The following ZNF560 variants were observed in gnomAD, a reference collection of about 807,000 sequenced individuals.
ZNF560 encodes zinc finger protein 560.
ZNF560 carries 54 observed loss-of-function variants against 81.8 expected under a neutral mutation model. That is an observed-to-expected ratio of 0.66 (90% CI 0.53 to 0.83). The LOEUF is 0.83. ZNF560 is among the 40% of genes least tolerant of loss of function. The probability of loss-of-function intolerance (pLI) is 0.00; values close to 1 mark genes in which losing one functional copy is unlikely to be tolerated. For synonymous variants in ZNF560, 321 were observed against 317.9 expected, an observed-to-expected ratio of 1.01 and a Z score of -0.10; for missense variants, 940 against 932.4, an observed-to-expected ratio of 1.01 and a Z score of -0.11.
At chr19:9,446,494 C>A in the ZNF560 span, among the ~76,000 whole-genome samples, 221 of 152,136 alleles carry the variant, frequency 1.5e-3, 1 homozygote, top group Non-Finnish European at 2.7e-3. Flanking sequence ...GGGGGTTTAC[C>A]TGTATAGTAG....
rs1164946449 is a variant in ZNF560 at position 9,467,690 on chromosome 19, A to G, written c.1257T>C (p.Leu419=). ...CGKAFGTSAG[L]IEHIRCHARE... is the part of the protein sequence containing the mutation. Reference sequence around the variant, plus strand: ...TGGCGTGACATCTTATATGTTCAATAAGGCCTGCAGATGTACCAAAGGCTT... The same window carrying G: ...TGGCGTGACATCTTATATGTTCAATGAGGCCTGCAGATGTACCAAAGGCTT... The change falls in exon 10 of 10, where the codon CTT becomes CTC. Residue 419 remains leucine (L), a synonymous_variant. Coordinates refer to ENST00000301480, the MANE Select transcript of ZNF560 (RefSeq NM_152476.3). The G allele has an allele frequency of 6.2e-7, 1 of 1,614,052 alleles. No individual in the cohort carries two copies. The highest frequency in any genetic ancestry group is 8.5e-7 in the Non-Finnish European group (1 of 1,179,996).
intron 2 of ZNF560, among the ~76,000 whole-genome samples, chr19:9,485,857 A>G (rs775055697): frequency 2.6e-5 from 4 of 152,194 alleles, no homozygotes; most frequent in Non-Finnish European, 5.9e-5. Context: ...GTAACCTCAA[A>G]TAAGTTGAGA....
At chr19:9,456,927 A>T in the ZNF560 span, among the ~76,000 whole-genome samples, 1 of 152,250 alleles carries the variant, frequency 6.6e-6, no homozygotes, top group African/African-American at 2.4e-5. Context: ...CTAGGAAAAA[A>T]TTTGCAAGGT....
At chr19:9,482,240 C>G (rs2073300852) in intron 2 of ZNF560, among the ~76,000 whole-genome samples, 1 of 151,650 alleles carries the variant, frequency 6.6e-6, no homozygotes, top group African/African-American at 2.4e-5. Flanking sequence ...CACTTGGACA[C>G]AGGGTGGGGA....
At chr19:9,481,082 G>GAAA (rs60806361) in intron 2 of ZNF560, among the ~76,000 whole-genome samples, 4 of 110,028 alleles carry the variant, frequency 3.6e-5, no homozygotes, top group Non-Finnish European at 7.4e-5. Context: ...GAGATTATCT[G>GAAA]AAAAAAAAAA....
In ZNF560 at chr19:9,466,478, T is replaced by C. The variant is rs976707070; in HGVS notation, c.*96A>G. On this transcript the variant is annotated 3_prime_UTR_variant, in exon 10 of 10. Coordinates refer to ENST00000301480, the MANE Select transcript of ZNF560 (RefSeq NM_152476.3). ...GGCTTTCTCACATTCCTTACATTGA[T>C]AGTGTTACTTTCTCCTGTGAATTTT... 4 of 1,124,336 alleles carry C rather than the reference T, an allele frequency of 3.6e-6. No homozygotes were observed. In the African/African-American group the frequency reaches 4.7e-5, roughly 13 times the overall value. The allele number at this position is 1,124,336 out of a possible 1,614,324, so 69.6% of individuals were successfully genotyped here.
Position 9,479,962 on chromosome 19 carries a change from C to T in ZNF560, c.-56-4593G>A, listed in dbSNP as rs543813864. Among the ~76,000 whole-genome samples, 103 of 152,072 alleles carry T rather than the reference C, an allele frequency of 6.8e-4. 1 individual carries two copies. The Middle Eastern group carries it at 0.014, about 20-fold the overall frequency. ...TACATATGCCAACAACAACAGAGCACGTAAACATATAAAGCAAATTAATAA... is the reference window on the plus strand; with the variant it reads ...TACATATGCCAACAACAACAGAGCATGTAAACATATAAAGCAAATTAATAA... On this transcript the variant is annotated intron_variant, in intron 2 of 9. Transcript: ENST00000301480.
chr19:9,469,405 C>A (rs576313900), intron 8 of ZNF560, among the ~76,000 whole-genome samples: 3 of 152,206 alleles, frequency 2.0e-5, no homozygotes, highest in African/African-American at 4.8e-5. Flanking sequence ...AAAATTGGAA[C>A]AAAAGCATAC....
the ZNF560 span, among the ~76,000 whole-genome samples, chr19:9,460,843 A>T: frequency 0.024 from 3,686 of 152,300 alleles, 157 homozygotes; most frequent in African/African-American, 0.085. Context: ...GGACAGGCAG[A>T]GGTGCTGCAT....
the ZNF560 span, among the ~76,000 whole-genome samples, chr19:9,448,353 T>C: frequency 6.8e-6 from 1 of 147,952 alleles, no homozygotes; most frequent in Non-Finnish European, 1.5e-5. Flanking sequence ...TGCCTCAGCC[T>C]CCGGAGTAGC....
the ZNF560 span, among the ~76,000 whole-genome samples, chr19:9,446,860 A>G: frequency 6.6e-6 from 1 of 152,108 alleles, no homozygotes; most frequent in African/African-American, 2.4e-5. Context: ...AAAATAGCAG[A>G]CAGCTGGATG....
intron 2 of ZNF560, among the ~76,000 whole-genome samples, chr19:9,475,719 G>A (rs202041749): frequency 6.6e-6 from 1 of 150,956 alleles, no homozygotes; most frequent in Non-Finnish European, 1.5e-5. Context: ...CCATTCTCCT[G>A]CCTCAGCCTC....
chr19:9,459,232 A>G, the ZNF560 span, among the ~76,000 whole-genome samples: 1 of 152,228 alleles, frequency 6.6e-6, no homozygotes, highest in Non-Finnish European at 1.5e-5. Flanking sequence ...CCACACATGC[A>G]ACTAAATCTA....
the ZNF560 span, among the ~76,000 whole-genome samples, chr19:9,447,146 A>AG: frequency 6.6e-6 from 1 of 152,042 alleles, no homozygotes; most frequent in East Asian, 1.9e-4. Context: ...AAAAAAAAAA[A>AG]AAAAAAATAG....
At chr19:9,480,459 A>G (rs1464123360) in intron 2 of ZNF560, among the ~76,000 whole-genome samples, 2 of 151,900 alleles carry the variant, frequency 1.3e-5, no homozygotes, top group Non-Finnish European at 2.9e-5. Context: ...TCACAAGTAA[A>G]CACCCTAACA....
Position 9,467,792 on chromosome 19 carries a change from G to T in ZNF560, c.1155C>A (p.Phe385Leu), listed in dbSNP as rs1360289040. ...GTTCAAGAAAGCCTGACGGCACAGT[G>T]AAGGTTTTGCCACAGTGCTTACATT... is the stretch of plus-strand genomic sequence containing the variant. ...PYKCKHCGKTFTVPSGFLEHV... is the reference protein window; with the variant it reads ...PYKCKHCGKTLTVPSGFLEHV... The change falls in exon 10 of 10, where the codon TTC becomes TTA. Residue 385 changes from phenylalanine to leucine, a missense_variant. Transcript: ENST00000301480. 6.2e-7 allele frequency: 1 copy of T among 1,614,206 alleles called. No homozygotes were observed. The highest frequency in any genetic ancestry group is 8.5e-7 in the Non-Finnish European group (1 of 1,180,038).
chr19:9,469,241 A>G (rs1431351860), intron 8 of ZNF560, 54 bp from the exon 9 acceptor site: 1 of 1,359,348 alleles, frequency 7.4e-7, no homozygotes, highest in Non-Finnish European at 1.0e-6. Flanking sequence ...ATGGTAGGTT[A>G]AATAAAAAGC....
chr19:9,469,575 T>G, intron 8 of ZNF560, 55 bp downstream of exon 8: 1 of 1,524,366 alleles, frequency 6.6e-7, no homozygotes, highest in Non-Finnish European at 9.1e-7. Context: ...TCATTGTGCT[T>G]CCAAACGTAC....
chr19:9,463,259 TAAAAAA>T (rs747997962), downstream of ZNF560, among the ~76,000 whole-genome samples: 1 of 151,870 alleles, frequency 6.6e-6, no homozygotes, highest in African/African-American at 2.4e-5. Flanking sequence ...AATCAGCTTC[TAAAAAA>T]AATAAAAAAG....
Sources: allele counts gnomAD v4.1 joint callset (sites outside exome capture counted in the v4.1 genomes callset), GRCh38; gene constraint gnomAD v4.1.1; transcripts MANE v1.5; gene names NCBI Gene and HGNC (gene_info 2026-07-23, HGNC 2026-07-21).